The following CACNB4 variants were observed in gnomAD, a reference collection of about 807,000 sequenced individuals.
CACNB4 encodes calcium voltage-gated channel auxiliary subunit beta 4.
CACNB4 carries 32 observed loss-of-function variants against 71.2 expected under a neutral mutation model. That is an observed-to-expected ratio of 0.45 (90% CI 0.34 to 0.60). The LOEUF (loss-of-function observed/expected upper bound fraction) is 0.60. Ranked by LOEUF, CACNB4 falls within the 20% of genes least tolerant of loss-of-function variation. The pLI is 0.01. For synonymous variants in CACNB4, 231 were observed against 236.9 expected (o/e 0.97, Z 0.23); for missense variants, 464 against 647.9 (o/e 0.72, Z 3.08).
At chr2:151,973,596 C>CGG (rs368255915) in intron 2 of CACNB4, 4 of 1,356,120 alleles carry the variant, frequency 2.9e-6, no homozygotes, top group African/African-American at 1.4e-5. Context: ...AAATAAGAAG[C>CGG]GGGGGGGTGG....
intron 2 of CACNB4, among the ~76,000 whole-genome samples, chr2:152,006,401 C>CT (rs60046879): frequency 0.65 from 90,343 of 138,488 alleles, 30,606 homozygotes; most frequent in Middle Eastern, 0.81. Flanking sequence ...TCTTTTCTTT[C>CT]TTTTTTTTTT....
chr2:151,906,910 T>C (rs549277758), intron 2 of CACNB4, among the ~76,000 whole-genome samples: 1 of 152,330 alleles, frequency 6.6e-6, no homozygotes, highest in Admixed American at 6.5e-5. Context: ...GGATGTTTTT[T>C]CTGATAACCT....
chr2:151,925,746 A>G (rs1560007832), intron 2 of CACNB4, among the ~76,000 whole-genome samples: 1 of 152,112 alleles, frequency 6.6e-6, no homozygotes, highest in Non-Finnish European at 1.5e-5. Flanking sequence ...AAAGGGCCTT[A>G]GAGGCTGGTG....
chr2:151,849,216 G>A (rs1461791424), intron 12 of CACNB4, among the ~76,000 whole-genome samples: 1 of 152,104 alleles, frequency 6.6e-6, no homozygotes, highest in Non-Finnish European at 1.5e-5. Context: ...TTCCCTCATG[G>A]AGATGAAGAG....
At chr2:151,881,879 CTTTT>C (rs34072100) in intron 3 of CACNB4, among the ~76,000 whole-genome samples, 3 of 133,032 alleles carry the variant, frequency 2.3e-5, no homozygotes, top group Non-Finnish European at 4.8e-5. Context: ...CTCCTCCCAT[CTTTT>C]TTTTTTTTTT....
intron 2 of CACNB4, among the ~76,000 whole-genome samples, chr2:152,077,041 G>A (rs1687069077): frequency 6.6e-6 from 1 of 152,346 alleles, no homozygotes; most frequent in African/African-American, 2.4e-5. Context: ...GAAAGAGCCA[G>A]CCATCTAGAG....
intron 2 of CACNB4, among the ~76,000 whole-genome samples, chr2:151,988,277 CT>C (rs200213324): frequency 0.013 from 1,997 of 152,238 alleles, 16 homozygotes; most frequent in Middle Eastern, 0.048. Context: ...CTAAATTTCT[CT>C]CTCAGTTGTT....
At chr2:151,840,924 A>G (rs1045260628) in intron 13 of CACNB4, among the ~76,000 whole-genome samples, 2 of 152,218 alleles carry the variant, frequency 1.3e-5, no homozygotes, top group African/African-American at 4.8e-5. Flanking sequence ...TGATGTAGAA[A>G]GGCAGGCTCA....
chr2:152,060,177 C>T (rs1468973508), intron 2 of CACNB4, among the ~76,000 whole-genome samples: 2 of 152,310 alleles, frequency 1.3e-5, no homozygotes, highest in East Asian at 1.9e-4. Flanking sequence ...ATTGCTTACA[C>T]ATCTATCTCC....
intron 2 of CACNB4, among the ~76,000 whole-genome samples, chr2:152,017,645 T>G (rs1301426937): frequency 2.0e-5 from 3 of 149,934 alleles, no homozygotes; most frequent in Admixed American, 1.3e-4. Flanking sequence ...GAGGCAGAGG[T>G]TGCAGTGAGC....
intron 2 of CACNB4, among the ~76,000 whole-genome samples, chr2:151,885,281 G>A (rs1394119939): frequency 6.6e-6 from 1 of 152,208 alleles, no homozygotes; most frequent in African/African-American, 2.4e-5. Context: ...GGATTAAATG[G>A]AACAAGATAT....
intron 12 of CACNB4, among the ~76,000 whole-genome samples, chr2:151,844,612 A>G (rs2099837065): frequency 1.3e-5 from 2 of 152,188 alleles, no homozygotes; most frequent in Admixed American, 1.3e-4. Flanking sequence ...TAAAAGTTCA[A>G]CAGTTACAAA....
intron 2 of CACNB4, among the ~76,000 whole-genome samples, chr2:151,984,188 T>C (rs1273792441): frequency 6.6e-6 from 1 of 152,184 alleles, no homozygotes; most frequent in Non-Finnish European, 1.5e-5. Context: ...GCAATTGTTT[T>C]AACATGCTTT....
At chr2:151,960,833 A>C (rs2099869474) in intron 2 of CACNB4, among the ~76,000 whole-genome samples, 1 of 152,170 alleles carries the variant, frequency 6.6e-6, no homozygotes, top group African/African-American at 2.4e-5. Flanking sequence ...CATTAGTTTC[A>C]CTTGTTTCCC....
chr2:151,927,633 C>G (rs2099860579), intron 2 of CACNB4, among the ~76,000 whole-genome samples: 1 of 152,224 alleles, frequency 6.6e-6, no homozygotes, highest in African/African-American at 2.4e-5. Flanking sequence ...GTGAACAGCA[C>G]TGAAAACTCA....
intron 2 of CACNB4, among the ~76,000 whole-genome samples, chr2:152,034,466 CT>C (rs1200157947): frequency 1.3e-5 from 2 of 152,184 alleles, no homozygotes; most frequent in Admixed American, 1.3e-4. Flanking sequence ...AACGCTTATC[CT>C]GCAAGAGCAA....
chr2:152,084,461 C>T (rs1402316893), intron 2 of CACNB4, among the ~76,000 whole-genome samples: 1 of 152,166 alleles, frequency 6.6e-6, no homozygotes, highest in Non-Finnish European at 1.5e-5. Flanking sequence ...TGTGAGCACA[C>T]GTTAAGACAC....
chr2:152,003,918 C>T (rs562730697), intron 2 of CACNB4, among the ~76,000 whole-genome samples: 1 of 152,100 alleles, frequency 6.6e-6, no homozygotes, highest in South Asian at 2.1e-4. Context: ...CATTAAGGCT[C>T]ACTGCAGCCT....
At chr2:151,842,708 C>A (rs557955132) in intron 12 of CACNB4, among the ~76,000 whole-genome samples, 2 of 152,102 alleles carry the variant, frequency 1.3e-5, no homozygotes, top group Non-Finnish European at 1.5e-5. Flanking sequence ...CAAAAACCCA[C>A]GTGTATTCAC....
Sources: allele counts gnomAD v4.1 joint callset (sites outside exome capture counted in the v4.1 genomes callset), GRCh38; gene constraint gnomAD v4.1.1; transcripts MANE v1.5; gene names NCBI Gene and HGNC (gene_info 2026-07-23, HGNC 2026-07-21).